The following SNRPN variants were observed in gnomAD, a reference collection of about 807,000 sequenced individuals.
The protein encoded by SNRPN is small nuclear ribonucleoprotein-associated protein N.
A neutral mutation model predicts 25.2 loss-of-function variants in SNRPN; 7 were observed. The ratio of observed to expected loss-of-function variants is 0.28; its 90% CI spans 0.16 to 0.52. The LOEUF (loss-of-function observed/expected upper bound fraction) is 0.52, where lower values mean the gene tolerates loss of function less well. Ranked by LOEUF, SNRPN falls within the 20% of genes least tolerant of loss-of-function variation. The pLI, the probability that SNRPN is intolerant of heterozygous loss-of-function variation, is 0.96. For missense variants in SNRPN, 196 were observed against 322.5 expected (o/e 0.61, Z 3.00); for synonymous variants, 124 against 110.6 (o/e 1.12, Z -0.76).
At chr15:24,848,395 C>A (rs11636986) in intron 2 of SNRPN, 21,552 of 152,248 alleles carry the variant, frequency 0.14, 1,749 homozygotes, top group African/African-American at 0.22. Flanking sequence ...AGTGTCTTAT[C>A]AGCCGCTTAT....
chr15:24,893,539 G>A (rs2057846235), intron 2 of SNRPN, among the ~76,000 whole-genome samples: 1 of 151,648 alleles, frequency 6.6e-6, no homozygotes, highest in Non-Finnish European at 1.5e-5. Flanking sequence ...GATCACCTGA[G>A]CCCAGGAGGT....
intron 3 of SNRPN, among the ~76,000 whole-genome samples, chr15:24,948,808 C>T (rs2062040579): frequency 1.3e-5 from 2 of 151,780 alleles, no homozygotes; most frequent in South Asian, 4.2e-4. Flanking sequence ...ATATATAATT[C>T]AGTGCTTTTG....
At chr15:24,948,136 G>A (rs759326696) in intron 3 of SNRPN, among the ~76,000 whole-genome samples, 24 of 148,896 alleles carry the variant, frequency 1.6e-4, no homozygotes, top group Non-Finnish European at 2.8e-4. Flanking sequence ...TTTTGAGATG[G>A]AGTCTCACTC....
At chr15:24,948,882 C>A (rs530816252) in intron 3 of SNRPN, among the ~76,000 whole-genome samples, 85 of 151,936 alleles carry the variant, frequency 5.6e-4, no homozygotes, top group African/African-American at 2.0e-3. Flanking sequence ...ACTAATTCCA[C>A]AAAATCCAGA....
At chr15:24,912,845 A>G (rs1354822960) in intron 2 of SNRPN, among the ~76,000 whole-genome samples, 1 of 152,210 alleles carries the variant, frequency 6.6e-6, no homozygotes, top group Admixed American at 6.5e-5. Context: ...AGCCCCGTTT[A>G]GACCTCCTTC....
At chr15:24,944,199 C>A (rs1448356179) in intron 3 of SNRPN, among the ~76,000 whole-genome samples, 1 of 152,164 alleles carries the variant, frequency 6.6e-6, no homozygotes, top group Admixed American at 6.5e-5. Flanking sequence ...GTTGCAGAAG[C>A]TTCTGTTGTT....
intron 3 of SNRPN, among the ~76,000 whole-genome samples, chr15:24,942,043 G>A (rs953197001): frequency 5.3e-5 from 8 of 152,266 alleles, no homozygotes; most frequent in Non-Finnish European, 1.0e-4. Context: ...CTCCCAAAGT[G>A]CTGGGATTAC....
intron 2 of SNRPN, among the ~76,000 whole-genome samples, chr15:24,840,694 C>T (rs907145401): frequency 3.3e-5 from 5 of 152,190 alleles, no homozygotes; most frequent in African/African-American, 1.2e-4. Flanking sequence ...TAACCAGCTG[C>T]CAGGCCTCCT....
intron 1 of SNRPN, among the ~76,000 whole-genome samples, chr15:24,826,755 ATATT>A (rs1264719597): frequency 6.6e-6 from 1 of 152,132 alleles, no homozygotes; most frequent in Non-Finnish European, 1.5e-5. Flanking sequence ...AACAAATCAA[ATATT>A]TAAGGTGGAT....
chr15:24,842,001 A>T (rs1421309913), intron 2 of SNRPN, among the ~76,000 whole-genome samples: 1 of 152,018 alleles, frequency 6.6e-6, no homozygotes, highest in Non-Finnish European at 1.5e-5. Flanking sequence ...GCTCACTTAC[A>T]TCTGTGGGGA....
chr15:24,935,083 G>C, intron 3 of SNRPN, among the ~76,000 whole-genome samples: 1 of 152,018 alleles, frequency 6.6e-6, no homozygotes, highest in East Asian at 1.9e-4. Flanking sequence ...ACCAGCCTGG[G>C]CAACACAGTC....
At chr15:24,959,008 A>G (rs917181393) in intron 1 of SNRPN, 1 of 152,214 alleles carries the variant, frequency 6.6e-6, no homozygotes, top group African/African-American at 2.4e-5. Flanking sequence ...ATGAGCCGCT[A>G]TACCTGGCCA....
chr15:24,941,702 C>T (rs1302106870), intron 3 of SNRPN, among the ~76,000 whole-genome samples: 3 of 152,202 alleles, frequency 2.0e-5, no homozygotes, highest in African/African-American at 7.2e-5. Context: ...GCCAGCACAA[C>T]AATTCCCTTC....
chr15:24,897,443 G>A (rs549962556), intron 2 of SNRPN, among the ~76,000 whole-genome samples: 18 of 152,228 alleles, frequency 1.2e-4, no homozygotes, highest in Non-Finnish European at 1.9e-4. Flanking sequence ...AAAATTAGCC[G>A]AGTGTGGTGG....
intron 2 of SNRPN, among the ~76,000 whole-genome samples, chr15:24,845,246 TTATC>T (rs1280455561): frequency 6.6e-6 from 1 of 152,220 alleles, no homozygotes; most frequent in Non-Finnish European, 1.5e-5. Flanking sequence ...ACTGTTCCAT[TTATC>T]TATTTATCCT....
intron 3 of SNRPN, 25 bp downstream of exon 3, chr15:24,968,107 A>T: frequency 7.8e-7 from 1 of 1,289,408 alleles, no homozygotes; most frequent in Non-Finnish European, 1.1e-6. Context: ...AGCAATGATC[A>T]AGAATAAAGA....
At chr15:24,838,047 T>A (rs908712612) in intron 2 of SNRPN, among the ~76,000 whole-genome samples, 68 of 149,866 alleles carry the variant, frequency 4.5e-4, no homozygotes, top group African/African-American at 1.3e-3. Context: ...TTATTTTTTT[T>A]TTTTTGAGAC....
upstream of SNRPN, among the ~76,000 whole-genome samples, chr15:24,853,774 A>G (rs1229439657): frequency 5.9e-5 from 9 of 152,194 alleles, no homozygotes; most frequent in Admixed American, 4.6e-4. Flanking sequence ...ATAGCATGTC[A>G]TATCATGTTG....
intron 2 of SNRPN, among the ~76,000 whole-genome samples, chr15:24,919,295 G>A (rs986620948): frequency 6.6e-6 from 1 of 151,738 alleles, no homozygotes; most frequent in Non-Finnish European, 1.5e-5. Context: ...GCCGGGCGTC[G>A]TGGCGGGCAC....
Sources: gnomAD v4.1 joint callset for allele counts (sites outside exome capture counted in the v4.1 genomes callset) on GRCh38, gnomAD v4.1.1 for gene constraint, MANE v1.5 for transcripts, NCBI Gene and HGNC (gene_info 2026-07-23, HGNC 2026-07-21) for gene names.